TUSC3: variants seen among roughly 807,000 people sequenced by gnomAD.
The protein encoded by TUSC3 is tumor suppressor candidate 3, also known as dolichyl-diphosphooligosaccharide--protein glycosyltransferase subunit TUSC3.
A neutral mutation model predicts 44.8 loss-of-function variants in TUSC3; 45 were observed. The ratio of observed to expected loss-of-function variants is 1.00; its 90% CI spans 0.79 to 1.29. TUSC3 has a LOEUF of 1.29. Among genes scored for constraint, TUSC3 ranks in the 50% most tolerant of loss-of-function variants. TUSC3 has a pLI of 0.00. For synonymous variants in TUSC3, 212 were observed against 152.9 expected (o/e 1.39, Z -2.85); for missense variants, 519 against 437.9 (o/e 1.19, Z -1.65).
intron 7 of TUSC3, among the ~76,000 whole-genome samples, chr8:15,732,209 G>T (rs1286215255): frequency 1.3e-5 from 2 of 152,138 alleles, no homozygotes; most frequent in African/African-American, 4.8e-5. Flanking sequence ...GTTTGGCTCT[G>T]TGTCCCTACC....
At chr8:15,529,488 A>T (rs1801423456) in intron 2 of TUSC3, among the ~76,000 whole-genome samples, 2 of 152,206 alleles carry the variant, frequency 1.3e-5, no homozygotes, top group Admixed American at 1.3e-4. Context: ...ACAGTTTAAA[A>T]ATAATTGAAT....
At chr8:15,509,380 A>T (rs1801102178) in intron 2 of TUSC3, among the ~76,000 whole-genome samples, 1 of 152,294 alleles carries the variant, frequency 6.6e-6, no homozygotes, top group East Asian at 1.9e-4. Context: ...AGGCCAAGGC[A>T]GGCAAATTGC....
At position 15,433,005 on chromosome 8, in the gene TUSC3, A is replaced by G. The variant is rs577867136; in HGVS notation, n.91+15700A>G. Among the ~76,000 whole-genome samples, 248 of 152,294 alleles carry G rather than the reference A, an allele frequency of 1.6e-3. 1 individual carries two copies. The highest frequency in any genetic ancestry group is 5.8e-3 in the South Asian group (28 of 4,828). On this transcript the variant is annotated intron_variant and non_coding_transcript_variant, in intron 1 of 5. Coordinates refer to the TUSC3 transcript ENST00000503191. Reference sequence around the variant, plus strand: ...TTTCCCTTCCCCTGCCAGGAGTACAAGGGGATTCTTCTGCAATTCCCTTAG... The same window carrying G: ...TTTCCCTTCCCCTGCCAGGAGTACAGGGGGATTCTTCTGCAATTCCCTTAG...
chr8:15,478,714 C>A (rs1800617183), intron 1 of TUSC3, among the ~76,000 whole-genome samples: 1 of 152,182 alleles, frequency 6.6e-6, no homozygotes, highest in East Asian at 1.9e-4. Context: ...TATGTCTTTG[C>A]TATTGTGAAT....
At chr8:15,455,969 G>T (rs993865577) in intron 1 of TUSC3, among the ~76,000 whole-genome samples, 1 of 152,118 alleles carries the variant, frequency 6.6e-6, no homozygotes, top group African/African-American at 2.4e-5. Flanking sequence ...AAAGACCTTT[G>T]CAGATTTTTT....
chr8:15,490,061 C>T (rs942632662), intron 2 of TUSC3, among the ~76,000 whole-genome samples: 2 of 152,092 alleles, frequency 1.3e-5, no homozygotes, highest in Admixed American at 1.3e-4. Context: ...AACATGGTGT[C>T]CTTAAGTATG....
intron 2 of TUSC3, among the ~76,000 whole-genome samples, chr8:15,484,041 C>T (rs1170098214): frequency 1.3e-5 from 2 of 151,996 alleles, no homozygotes; most frequent in South Asian, 2.1e-4. Flanking sequence ...TCTCTCCCAC[C>T]GTATTAGTAT....
chr8:15,523,253 G>A (rs1801322234), intron 2 of TUSC3, among the ~76,000 whole-genome samples: 1 of 152,152 alleles, frequency 6.6e-6, no homozygotes, highest in Non-Finnish European at 1.5e-5. Flanking sequence ...TGTAAAGCCT[G>A]AAGGAAGTGG....
chr8:15,783,010 G>T, the TUSC3 span, among the ~76,000 whole-genome samples: 13 of 152,262 alleles, frequency 8.5e-5, no homozygotes, highest in East Asian at 2.5e-3. Context: ...TAAATTTTGT[G>T]AAGTTGTAGG....
At chr8:15,614,870 C>A (rs574416913) in intron 1 of TUSC3, among the ~76,000 whole-genome samples, 194 of 147,378 alleles carry the variant, frequency 1.3e-3, no homozygotes, top group African/African-American at 4.6e-3. Context: ...TTGAAATTTC[C>A]AATTTACTTT....
rs1350802587 is a variant in TUSC3, at chr8:15,423,999, T to G, written n.91+6694T>G. Among the ~76,000 whole-genome samples, 448 of 135,486 alleles carry G rather than the reference T, an allele frequency of 3.3e-3. 24 individuals are homozygous for G. The highest frequency in any genetic ancestry group is 0.011 in the African/African-American group (423 of 37,778). The allele number at this position is 135,486 out of a possible 152,430, so 88.9% of individuals were successfully genotyped here. A position where few individuals can be genotyped will look rare whatever the true frequency, so the allele number is the denominator to read the frequency against. ...TTTTTTTTTTTTTTTTTTTTTTTTT[T>G]TTTTTTTTGAGAAGGAGTTTTGCTC... On this transcript the variant is annotated intron_variant and non_coding_transcript_variant, in intron 1 of 5. Transcript: ENST00000503191.
intron 2 of TUSC3, among the ~76,000 whole-genome samples, chr8:15,516,954 CTG>C (rs2129128830): frequency 6.6e-6 from 1 of 152,168 alleles, no homozygotes; most frequent in South Asian, 2.1e-4. Context: ...GAATTGAATA[CTG>C]TGTAAAAATT....
chr8:15,672,778 T>G (rs1808005659), intron 5 of TUSC3, among the ~76,000 whole-genome samples: 1 of 152,088 alleles, frequency 6.6e-6, no homozygotes, highest in African/African-American at 2.4e-5. Flanking sequence ...CCCTTTTGTA[T>G]CCTTGTTTTC....
chr8:15,527,704 C>A (rs890027516), intron 2 of TUSC3, among the ~76,000 whole-genome samples: 30 of 152,144 alleles, frequency 2.0e-4, no homozygotes, highest in African/African-American at 7.2e-4. Context: ...TGCACCAGGC[C>A]TACAGCTCGA....
At chr8:15,433,841 T>A (rs951263939) in intron 1 of TUSC3, among the ~76,000 whole-genome samples, 3 of 152,174 alleles carry the variant, frequency 2.0e-5, no homozygotes, top group African/African-American at 7.2e-5. Flanking sequence ...TGTATTTGGA[T>A]TTTTTCCAGT....
chr8:15,618,893 C>G (rs953511595), intron 1 of TUSC3, among the ~76,000 whole-genome samples: 9 of 152,152 alleles, frequency 5.9e-5, no homozygotes, highest in African/African-American at 1.7e-4. Context: ...TTTTTCAGCC[C>G]CATTATAATC....
intron 2 of TUSC3, among the ~76,000 whole-genome samples, chr8:15,487,269 A>G (rs1182129288): frequency 4.6e-5 from 7 of 152,104 alleles, no homozygotes; most frequent in Admixed American, 4.6e-4. Flanking sequence ...TAAACATGCC[A>G]TGGTGTTGGG....
chr8:15,491,168 C>A (rs965821229), intron 2 of TUSC3, among the ~76,000 whole-genome samples: 1 of 152,120 alleles, frequency 6.6e-6, no homozygotes, highest in Non-Finnish European at 1.5e-5. Context: ...AGCAGTCAGA[C>A]CTGCCTTTGT....
chr8:15,813,735 A>C, the TUSC3 span, among the ~76,000 whole-genome samples: 1 of 152,138 alleles, frequency 6.6e-6, no homozygotes, highest in Non-Finnish European at 1.5e-5. Flanking sequence ...CTTGGGATGG[A>C]TCAAGATAGC....
Sources: allele counts gnomAD v4.1 joint callset (sites outside exome capture counted in the v4.1 genomes callset), GRCh38; gene constraint gnomAD v4.1.1; transcripts MANE v1.5; gene names NCBI Gene and HGNC (gene_info 2026-07-23, HGNC 2026-07-21).